HMGXB3: variants seen among roughly 807,000 people sequenced by gnomAD.
HMGXB3 encodes HMG domain-containing protein 3.
In HMGXB3, 45 loss-of-function variants were observed where a neutral mutation model predicts 121.5. The ratio of observed to expected loss-of-function variants is 0.37; its 90% CI spans 0.29 to 0.47. The LOEUF is 0.47. Among genes scored for constraint, HMGXB3 ranks in the 20% least tolerant of loss-of-function variants. HMGXB3 has a pLI of 0.99. For synonymous variants in HMGXB3, 590 were observed against 624.1 expected (o/e 0.95, Z 0.81); for missense variants, 1,376 against 1,602.2 (o/e 0.86, Z 2.41).
At position 150,036,664 on chromosome 5, in the gene HMGXB3, T is replaced by C; in HGVS notation, c.2012T>C (p.Leu671Pro). The C allele has an allele frequency of 6.5e-7, 1 of 1,549,468 alleles. No homozygotes were observed. The highest frequency in any genetic ancestry group is 8.7e-7 in the Non-Finnish European group (1 of 1,146,308). ...IEVSSPLPDVLNATEPLSTAQ... is the reference protein window; with the variant it reads ...IEVSSPLPDVPNATEPLSTAQ... ...GTGAGCTCACCACTCCCAGATGTAC[T>C]GAATGCCACAGAGCCCCTGAGCACA... Residue 671 changes from leucine to proline, a missense_variant, in exon 12 of 20, where the codon CTG becomes CCG. Leu to Pro is a moderately conservative substitution (Grantham distance 98). This residue lies in a region of HMGXB3 where 1,116 missense variants were observed against 1,369.0 expected (regional missense o/e 0.82). Coordinates refer to ENST00000502717, the MANE Select transcript of HMGXB3 (RefSeq NM_014983.3).
intron 15 of HMGXB3, among the ~76,000 whole-genome samples, chr5:150,042,896 A>G (rs980821849): frequency 7.9e-5 from 12 of 152,362 alleles, no homozygotes; most frequent in African/African-American, 2.6e-4. Context: ...CCAACTCATC[A>G]TATAAGGTTG....
At chr5:150,024,000 G>A (rs1756161797) in intron 6 of HMGXB3, among the ~76,000 whole-genome samples, 2 of 152,196 alleles carry the variant, frequency 1.3e-5, no homozygotes, top group South Asian at 4.1e-4. Flanking sequence ...ATGAAACCTG[G>A]AGAAGCTTTT....
intron 19 of HMGXB3, 60 bp downstream of exon 19, chr5:150,050,521 AC>A: frequency 7.4e-7 from 1 of 1,358,676 alleles, no homozygotes; most frequent in Non-Finnish European, 1.0e-6. Context: ...TTGCTCTGTC[AC>A]CCAGGCTGGA....
At chr5:150,024,048 A>C (rs376179806) in intron 6 of HMGXB3, among the ~76,000 whole-genome samples, 68 of 152,386 alleles carry the variant, frequency 4.5e-4, no homozygotes, top group African/African-American at 1.4e-3. Flanking sequence ...GTTTTATTCA[A>C]ACGAAGGCAT....
In HMGXB3 at chr5:150,047,658, G is replaced by T; in HGVS notation, c.2985G>T (p.Glu995Asp). 6.4e-7 allele frequency: 1 copy of T among 1,551,738 alleles called. No individual in the cohort carries two copies. The highest frequency in any genetic ancestry group is 1.2e-5 in the South Asian group (1 of 84,064). The change falls in exon 17 of 20, where the codon GAG (glutamate) becomes GAT (aspartate). Residue 995 changes from glutamate to aspartate, a missense_variant. This residue lies in a region of HMGXB3 where 1,116 missense variants were observed against 1,369.0 expected (regional missense o/e 0.82). Transcript: ENST00000502717. ...GTGCCTTGGTGAGGCTGCTCCAGGAGGGCACCTGCAAGCTTGATGAGATTG... is the reference window on the plus strand; with the variant it reads ...GTGCCTTGGTGAGGCTGCTCCAGGATGGCACCTGCAAGCTTGATGAGATTG... ...SGSALVRLLQ[E>D]GTCKLDEIGS...
At chr5:150,001,720 A>C (rs143423191) in intron 1 of HMGXB3, among the ~76,000 whole-genome samples, 298 of 152,210 alleles carry the variant, frequency 2.0e-3, no homozygotes, top group African/African-American at 6.8e-3. Flanking sequence ...CTGATAACAA[A>C]CTTGTACTCA....
At chr5:150,035,262 T>A (rs1756474600) in intron 11 of HMGXB3, among the ~76,000 whole-genome samples, 1 of 152,140 alleles carries the variant, frequency 6.6e-6, no homozygotes, top group East Asian at 1.9e-4. Flanking sequence ...TCTTTTTTGG[T>A]GAGGGCCTCA....
chr5:150,016,073 G>A (rs1026138469), intron 5 of HMGXB3, among the ~76,000 whole-genome samples: 4 of 152,150 alleles, frequency 2.6e-5, no homozygotes, highest in Non-Finnish European at 4.4e-5. Context: ...GGCCGGGCAC[G>A]GTGATATGTG....
chr5:150,020,137 G>A (rs937526250), intron 6 of HMGXB3, among the ~76,000 whole-genome samples: 1 of 152,202 alleles, frequency 6.6e-6, no homozygotes. Flanking sequence ...CTAAATGGCA[G>A]TTTCTGGTAC....
At chr5:150,038,344 A>G (rs1328863481) in intron 13 of HMGXB3, among the ~76,000 whole-genome samples, 1 of 152,228 alleles carries the variant, frequency 6.6e-6, no homozygotes, top group East Asian at 1.9e-4. Flanking sequence ...TTATATTATT[A>G]GATTGAGTTT....
At chr5:150,025,646 A>G (rs984276901) in intron 7 of HMGXB3, among the ~76,000 whole-genome samples, 3 of 152,008 alleles carry the variant, frequency 2.0e-5, no homozygotes, top group Non-Finnish European at 4.4e-5. Flanking sequence ...CAGCTCCCTG[A>G]AGCCTCATCC....
rs563686249 is a variant in HMGXB3 at position 150,015,110 on chromosome 5, C to A, written c.909+2757C>A. On this transcript the variant is annotated intron_variant, in intron 5 of 19. Coordinates refer to ENST00000502717, the MANE Select transcript of HMGXB3 (RefSeq NM_014983.3). The stretch of plus-strand genomic sequence containing the variant: ...TATGGAGATACAGGAGAATGTATTG[C>A]GGCCATCCAGTCTGTGAACCAGCAG... 3.0e-4 allele frequency: 104 copies of A among 344,894 alleles called. No individual in the cohort carries two copies. In the South Asian group the frequency reaches 4.3e-3, roughly 14 times the overall value. The allele number at this position is 344,894 out of a possible 1,614,324, so 21.4% of individuals were successfully genotyped here. A position where few individuals can be genotyped will look rare whatever the true frequency, so the allele number is the denominator to read the frequency against.
At chr5:150,020,538 A>G (rs893651741) in intron 6 of HMGXB3, among the ~76,000 whole-genome samples, 3 of 151,252 alleles carry the variant, frequency 2.0e-5, no homozygotes, top group Admixed American at 6.6e-5. Context: ...CATTTCTTGT[A>G]TGTGTGGCTT....
At chr5:150,009,041 T>A (rs1289469886) in intron 3 of HMGXB3, among the ~76,000 whole-genome samples, 1 of 152,230 alleles carries the variant, frequency 6.6e-6, no homozygotes, top group Non-Finnish European at 1.5e-5. Context: ...TTCTGAAATT[T>A]TTTTTTGTTC....
chr5:150,034,063 C>CA (rs1756445839), intron 11 of HMGXB3, among the ~76,000 whole-genome samples: 1 of 152,148 alleles, frequency 6.6e-6, no homozygotes, highest in Non-Finnish European at 1.5e-5. Context: ...TCTTAAGAGA[C>CA]AGGAGCCTTA....
At chr5:150,012,528 C>T (rs559753755) in intron 5 of HMGXB3, among the ~76,000 whole-genome samples, 175 bp downstream of exon 5, 1 of 152,188 alleles carries the variant, frequency 6.6e-6, no homozygotes, top group East Asian at 1.9e-4. Flanking sequence ...TTATGTGGTC[C>T]ATATGTTCTT....
intron 5 of HMGXB3, among the ~76,000 whole-genome samples, chr5:150,017,073 A>G (rs994313242): frequency 3.3e-5 from 5 of 152,216 alleles, no homozygotes; most frequent in African/African-American, 9.6e-5. Flanking sequence ...CCTGGAAATT[A>G]CTGTTCTTTC....
intron 15 of HMGXB3, among the ~76,000 whole-genome samples, chr5:150,042,660 G>A (rs1158395157): frequency 6.6e-6 from 1 of 152,110 alleles, no homozygotes; most frequent in South Asian, 2.1e-4. Flanking sequence ...GGAGGCCGAC[G>A]CTATGTAGGG....
rs1035171103 is a variant in HMGXB3, at chr5:150,027,101, G to A, written c.1718G>A (p.Gly573Asp). The change falls in exon 9 of 20, where the codon GGC becomes GAC. Residue 573 changes from glycine (G) to aspartate (D), a missense_variant. Transcript: ENST00000502717. ...GGCCAGCCCATTCAACAGCCATCTG[G>A]CCCTGGTGAGGTGAAGGTAAGGCCC... ...QLGQPIQQPS[G>D]PGEVKLPSGP... 4.5e-6 allele frequency: 7 copies of A among 1,551,440 alleles called. No individual in the cohort carries two copies. In the African/African-American group the frequency reaches 9.6e-5, roughly 21 times the overall value.
Sources: gnomAD v4.1 joint callset for allele counts (sites outside exome capture counted in the v4.1 genomes callset) on GRCh38, gnomAD v4.1.1 for gene constraint, gnomAD v4.1.1 regional missense constraint, MANE v1.5 for transcripts, NCBI Gene and HGNC (gene_info 2026-07-23, HGNC 2026-07-21) for gene names.